NAALAD2: variants seen among roughly 807,000 people sequenced by gnomAD.
The protein encoded by NAALAD2 is N-acetylated-alpha-linked acidic dipeptidase 2.
A neutral mutation model predicts 95.6 loss-of-function variants in NAALAD2; 89 were observed. That is an observed-to-expected ratio of 0.93 (90% CI 0.78 to 1.11). The LOEUF is 1.11. Among genes scored for constraint, NAALAD2 ranks in the 50% least tolerant of loss-of-function variants. The pLI is 0.00. For missense variants in NAALAD2, 894 were observed against 872.4 expected (o/e 1.02, Z -0.31); for synonymous variants, 264 against 294.4 (o/e 0.90, Z 1.06).
chr11:90,172,658 A>G (rs771420004), intron 13 of NAALAD2, among the ~76,000 whole-genome samples: 2 of 152,136 alleles, frequency 1.3e-5, no homozygotes, highest in Non-Finnish European at 2.9e-5. Flanking sequence ...ATAATTTTGT[A>G]TTACAAAATT....
chr11:90,139,146 C>T (rs551760926), intron 2 of NAALAD2, among the ~76,000 whole-genome samples: 1 of 152,222 alleles, frequency 6.6e-6, no homozygotes, highest in African/African-American at 2.4e-5. Context: ...AAGGCAATCC[C>T]TTCCTGGCAA....
intron 14 of NAALAD2, among the ~76,000 whole-genome samples, 164 bp from the exon 15 acceptor site, chr11:90,175,808 A>C (rs555983075): frequency 7.9e-5 from 12 of 152,294 alleles, no homozygotes; most frequent in African/African-American, 2.6e-4. Context: ...GATTATGGGA[A>C]AATGTCTTGA....
At chr11:90,141,023 G>A (rs1367549731) in intron 2 of NAALAD2, among the ~76,000 whole-genome samples, 1 of 152,052 alleles carries the variant, frequency 6.6e-6, no homozygotes, top group Admixed American at 6.6e-5. Context: ...GGGCGTATTT[G>A]TGTGAGTCTA....
At chr11:90,175,845 A>G in intron 14 of NAALAD2, 127 bp from the exon 15 acceptor site, 1 of 450,216 alleles carries the variant, frequency 2.2e-6, no homozygotes, top group East Asian at 3.4e-5. Flanking sequence ...TTAAATTCTT[A>G]TAAATGTAAT....
chr11:90,152,326 T>C lies in NAALAD2; in HGVS notation c.638T>C (p.Ile213Thr), dbSNP rs1951911289. The change falls in exon 6 of 19, where the codon ATA becomes ACA. Residue 213 changes from isoleucine (I) to threonine (T), a missense_variant. Physicochemically the swap from Ile to Thr is moderately conservative, Grantham distance 89. Transcript: ENST00000534061. ...AAAAATGCCATGTTAGCAGGAGCCA[T>C]AGGAATCATCTTGTACTCAGATCCA... Reference protein sequence around the residue: ...KVKNAMLAGAIGIILYSDPAD... With the variant: ...KVKNAMLAGATGIILYSDPAD... 4.4e-6 allele frequency: 7 copies of C among 1,608,166 alleles called. No homozygotes were observed. Among genetic ancestry groups the C allele is most frequent in the Non-Finnish European group, 2.6e-6 (3 of 1,175,376 alleles).
chr11:90,184,928 A>G (rs1478381261), intron 18 of NAALAD2, among the ~76,000 whole-genome samples: 1 of 152,214 alleles, frequency 6.6e-6, no homozygotes, highest in Admixed American at 6.5e-5. Flanking sequence ...TATTCCCTAA[A>G]TACAGTAAAC....
intron 18 of NAALAD2, among the ~76,000 whole-genome samples, chr11:90,188,994 C>G (rs1287281415): frequency 6.6e-6 from 1 of 152,192 alleles, no homozygotes; most frequent in Non-Finnish European, 1.5e-5. Context: ...ATGAGTCACA[C>G]TAATCAGCTG....
rs751999872 is a variant in NAALAD2 at position 90,147,379 on chromosome 11, C to T, written c.244C>T (p.Leu82Phe). Reference protein sequence around the residue: ...HLAGTEQNFLLAKKIQTQWKK... With the variant: ...HLAGTEQNFLFAKKIQTQWKK... ...GGCAGGAACAGAACAAAATTTCTTG[C>T]TTGCCAAGAAAATCCAAACCCAGTG... The change falls in exon 3 of 19, where the codon CTT becomes TTT. Residue 82 changes from leucine to phenylalanine, a missense_variant. Physicochemically the swap from Leu to Phe is conservative, Grantham distance 22. Transcript: ENST00000534061. 3 of 1,613,940 alleles carry T rather than the reference C, an allele frequency of 1.9e-6. No homozygotes were observed. Among genetic ancestry groups the T allele is most frequent in the South Asian group, 1.1e-5 (1 of 91,064 alleles).
At chr11:90,189,563 G>GT (rs1363506497) in intron 18 of NAALAD2, among the ~76,000 whole-genome samples, 2 of 152,150 alleles carry the variant, frequency 1.3e-5, no homozygotes, top group East Asian at 3.9e-4. Context: ...GAGGTCAGGA[G>GT]TTTAAGACCA....
At chr11:90,165,542 T>C (rs1384509382) in intron 11 of NAALAD2, among the ~76,000 whole-genome samples, 1 of 152,214 alleles carries the variant, frequency 6.6e-6, no homozygotes, top group Non-Finnish European at 1.5e-5. Context: ...TAAAATACTA[T>C]AATAGGAATA....
Position 90,169,814 on chromosome 11 carries a change from G to A in NAALAD2, c.1343-255G>A, listed in dbSNP as rs79096145. 7.0e-4 allele frequency: 284 copies of A among 404,188 alleles called. 1 individual carries two copies. Among genetic ancestry groups the A allele is most frequent in the African/African-American group, 5.2e-3 (255 of 48,894 alleles). 25.0% of individuals were successfully genotyped at this position (404,188 alleles called of 1,614,324 possible). ...CCCTAAGAATTGCTGCCATGAGAATGACCCTTATAATCACTGTGACAGCTG... is the reference window on the plus strand; with the variant it reads ...CCCTAAGAATTGCTGCCATGAGAATAACCCTTATAATCACTGTGACAGCTG... On this transcript the variant is annotated intron_variant, in intron 12 of 18. Coordinates refer to ENST00000534061, the MANE Select transcript of NAALAD2 (RefSeq NM_005467.4).
chr11:90,158,234 T>C lies in NAALAD2; in HGVS notation c.886T>C (p.Leu296=), dbSNP rs1952181231. ...PIGYNDAEIL[L]RYLGGIAPPD... is the part of the protein sequence containing the mutation. ...TGGATATAATGATGCAGAAATATTA[T>C]TACGGTATAGTTTTCTTGTTGGATA... is the stretch of plus-strand genomic sequence containing the variant. Residue 296 remains leucine, a synonymous_variant, in exon 7 of 19, where the codon TTA becomes CTA. Transcript: ENST00000534061. 6.2e-7 allele frequency: 1 copy of C among 1,603,190 alleles called. No homozygotes were observed. Among genetic ancestry groups the C allele is most frequent in the Admixed American group, 1.7e-5 (1 of 59,760 alleles).
intron 6 of NAALAD2, among the ~76,000 whole-genome samples, chr11:90,152,711 CCTT>C (rs1459225770): frequency 2.6e-5 from 4 of 152,062 alleles, no homozygotes; most frequent in Non-Finnish European, 4.4e-5. Context: ...TTCATACTCT[CCTT>C]CTTCCTTTAT....
intron 3 of NAALAD2, among the ~76,000 whole-genome samples, chr11:90,148,661 A>G (rs1403021060): frequency 6.6e-6 from 1 of 152,080 alleles, no homozygotes; most frequent in Non-Finnish European, 1.5e-5. Flanking sequence ...AAACATGGGG[A>G]AATATTATTT....
intron 16 of NAALAD2, 87 bp from the exon 17 acceptor site, chr11:90,181,533 T>C: frequency 2.4e-6 from 2 of 835,292 alleles, no homozygotes; most frequent in South Asian, 2.9e-5. Context: ...ATCTATGTGG[T>C]CATATCAATC....
At chr11:90,133,929 CAA>C (rs1951395311), upstream of NAALAD2, among the ~76,000 whole-genome samples, 1 of 151,918 alleles carries the variant, frequency 6.6e-6, no homozygotes, top group South Asian at 2.1e-4. Context: ...ATGGGAGAGA[CAA>C]AGGATTGAGA....
intron 6 of NAALAD2, among the ~76,000 whole-genome samples, chr11:90,157,818 T>C (rs895705450): frequency 1.3e-5 from 2 of 152,026 alleles, no homozygotes; most frequent in African/African-American, 4.8e-5. Flanking sequence ...CCTCCTGGGT[T>C]CAAGCGATTC....
chr11:90,131,933 T>C (rs879120652), upstream of NAALAD2: 1 of 152,212 alleles, frequency 6.6e-6, no homozygotes, highest in East Asian at 1.9e-4. Flanking sequence ...TTAGCTTTGA[T>C]GGAGAAATTG....
intron 18 of NAALAD2, among the ~76,000 whole-genome samples, chr11:90,185,873 T>A (rs539091945): frequency 1.5e-3 from 229 of 149,292 alleles, no homozygotes; most frequent in African/African-American, 4.7e-3. Context: ...TTTTTTTTTT[T>A]TATATACATT....
Sources: gnomAD v4.1 joint callset for allele counts (sites outside exome capture counted in the v4.1 genomes callset) on GRCh38, gnomAD v4.1.1 for gene constraint, MANE v1.5 for transcripts, NCBI Gene and HGNC (gene_info 2026-07-23, HGNC 2026-07-21) for gene names.